ANKS6: variants seen among roughly 807,000 people sequenced by gnomAD.
ANKS6 encodes the protein ankyrin repeat and SAM domain-containing protein 6.
In ANKS6, 47 loss-of-function variants were observed where a neutral mutation model predicts 77.9. The ratio of observed to expected loss-of-function variants is 0.60; its 90% CI spans 0.48 to 0.77. The LOEUF is 0.77. Among genes scored for constraint, ANKS6 ranks in the 30% least tolerant of loss-of-function variants. The probability of loss-of-function intolerance (pLI) is 0.00; values close to 1 mark genes in which losing one functional copy is unlikely to be tolerated. For missense variants in ANKS6, 1,150 were observed against 1,159.1 expected (o/e 0.99, Z 0.11); for synonymous variants, 488 against 501.7 (o/e 0.97, Z 0.37).
At chr9:98,763,132 A>G (rs529619702) in intron 11 of ANKS6, among the ~76,000 whole-genome samples, 2 of 152,226 alleles carry the variant, frequency 1.3e-5, no homozygotes, top group Admixed American at 1.3e-4. Context: ...AACCAACTAG[A>G]CTTAATTATA....
chr9:98,784,942 G>A, intron 2 of ANKS6, 66 bp from the exon 3 acceptor site: 2 of 1,428,322 alleles, frequency 1.4e-6, no homozygotes, highest in Non-Finnish European at 2.0e-6. Context: ...AGTCACAAGG[G>A]TGTAACAACA....
At chr9:98,764,505 G>C (rs1370271326) in intron 11 of ANKS6, among the ~76,000 whole-genome samples, 1 of 152,028 alleles carries the variant, frequency 6.6e-6, no homozygotes, top group Non-Finnish European at 1.5e-5. Flanking sequence ...TTACCTCTAT[G>C]CTGTGGCATT....
At chr9:98,781,547 C>T (rs1161648110) in intron 5 of ANKS6, among the ~76,000 whole-genome samples, 2 of 152,138 alleles carry the variant, frequency 1.3e-5, no homozygotes, top group Non-Finnish European at 2.9e-5. Context: ...CGAGTCTTGG[C>T]GACCTCATCT....
At chr9:98,784,354 AAC>A (rs1306128843) in intron 3 of ANKS6, 197 bp from the exon 4 acceptor site, 32 of 494,496 alleles carry the variant, frequency 6.5e-5, no homozygotes, top group Non-Finnish European at 1.0e-4. Flanking sequence ...GACAGAGACA[AAC>A]ACACGAATGG....
chr9:98,762,312 C>G (rs1833061319), intron 11 of ANKS6, among the ~76,000 whole-genome samples: 1 of 152,194 alleles, frequency 6.6e-6, no homozygotes, highest in Non-Finnish European at 1.5e-5. Flanking sequence ...CTTATTCATC[C>G]TAAGAGCTTT....
In ANKS6 at chr9:98,796,466, G is replaced by A. The variant is rs577977778; in HGVS notation, c.26C>T (p.Ala9Val). The A allele has an allele frequency of 5.0e-6, 5 of 992,476 alleles. No individual in the cohort carries two copies. The African/African-American group carries it at 7.0e-5, about 14-fold the overall frequency. 61.5% of individuals were successfully genotyped at this position (992,476 alleles called of 1,614,324 possible). ...ACACGCGCGCAGCAGCAGCTGGAAG[G>A]CCGGGGGCAGCCCGCCCTCGCCCAT... MGEGGLPP[A>V]FQLLLRACDQ... Residue 9 changes from alanine to valine, a missense_variant, in exon 1 of 15, where the codon GCC (alanine) becomes GTC (valine). By Grantham distance (64) the Ala-to-Val change is moderately conservative. Transcript: ENST00000353234.
In ANKS6 at chr9:98,780,301, A is replaced by G. The variant is rs1196770530; in HGVS notation, c.1256T>C (p.Met419Thr). The part of the protein sequence containing the change: ...ELVRLLASVC[M>T]QVNKDKGRPS... ...CCGGCCTTTGTCTTTATTCACCTGC[A>G]TGCAGACAGATGCCAGCAGTCGAAC... is the stretch of plus-strand genomic sequence containing the variant. Residue 419 changes from methionine to threonine, a missense_variant, in exon 6 of 15, where the codon ATG (methionine) becomes ACG (threonine). Met to Thr is a moderately conservative substitution (Grantham distance 81). Coordinates refer to ENST00000353234, the MANE Select transcript of ANKS6 (RefSeq NM_173551.5). The G allele has an allele frequency of 6.2e-7, 1 of 1,607,354 alleles. No individual in the cohort carries two copies. The highest frequency in any genetic ancestry group is 8.5e-7 in the Non-Finnish European group (1 of 1,176,748).
chr9:98,754,018 G>A (rs568219058), intron 12 of ANKS6, among the ~76,000 whole-genome samples: 1 of 152,272 alleles, frequency 6.6e-6, no homozygotes, highest in Admixed American at 6.5e-5. Context: ...TCCAGCTGGA[G>A]TGCCCGCTCA....
intron 12 of ANKS6, among the ~76,000 whole-genome samples, chr9:98,752,399 T>C (rs1564184863): frequency 6.6e-6 from 1 of 152,056 alleles, no homozygotes; most frequent in Non-Finnish European, 1.5e-5. Flanking sequence ...TTTAACTCAT[T>C]CATTCAACCA....
intron 11 of ANKS6, among the ~76,000 whole-genome samples, chr9:98,758,324 CTTT>C (rs35699060): frequency 3.0e-5 from 4 of 134,860 alleles, no homozygotes; most frequent in Non-Finnish European, 4.7e-5. Flanking sequence ...CGCCATCTTT[CTTT>C]TTTTTTTTTT....
chr9:98,771,470 C>T (rs2118036329), intron 9 of ANKS6, among the ~76,000 whole-genome samples: 1 of 152,278 alleles, frequency 6.6e-6, no homozygotes, highest in South Asian at 2.1e-4. Flanking sequence ...GTTGGTCCCT[C>T]AGCCTGAAAT....
intron 2 of ANKS6, among the ~76,000 whole-genome samples, chr9:98,787,870 G>A (rs576520982): frequency 1.4e-4 from 22 of 152,320 alleles, no homozygotes; most frequent in Admixed American, 5.9e-4. Flanking sequence ...CCCGAGGTTC[G>A]CTCCTGTCAA....
chr9:98,774,019 G>C lies in ANKS6; in HGVS notation c.1679C>G (p.Pro560Arg), dbSNP rs749896122. The C allele has an allele frequency of 6.4e-7, 1 of 1,571,546 alleles. No homozygotes were observed. Among genetic ancestry groups the C allele is most frequent in the Admixed American group, 1.8e-5 (1 of 54,266 alleles). Reference protein sequence around the residue: ...PSDKLKAVIPPFLPPSSFELW... With the variant: ...PSDKLKAVIPRFLPPSSFELW... The stretch of plus-strand genomic sequence containing the variant: ...CTCAAAACTGGAAGGGGGTAGGAAT[G>C]GGGGGATGACTGCTTTCAGCTTGTC... Residue 560 changes from proline (P) to arginine (R), a missense_variant, in exon 9 of 15, where the codon CCA becomes CGA. Pro to Arg is a moderately radical substitution (Grantham distance 103, BLOSUM62 -2). Transcript: ENST00000353234.
At position 98,770,898 on chromosome 9, in the gene ANKS6, G is replaced by T; in HGVS notation, c.1970C>A (p.Ser657Ter). ...SRHGGELLNR[S>*]GGSIDNVLSQ... Reference sequence around the variant, plus strand: ...AGTGGCCCTGCCCAGCTACTCACCTGAGCGGTTAAGCAGCTCCCCACCGTG... The same window carrying T: ...AGTGGCCCTGCCCAGCTACTCACCTTAGCGGTTAAGCAGCTCCCCACCGTG... The change falls in exon 10 of 15, where the codon TCA (serine) becomes TAA (stop). Residue 657 changes from serine (S) to a stop codon, truncating the protein, a stop_gained and splice_region_variant. Coordinates refer to ENST00000353234, the MANE Select transcript of ANKS6 (RefSeq NM_173551.5). LOFTEE classifies it high-confidence loss of function. 1 of 1,499,188 alleles carries T rather than the reference G, an allele frequency of 6.7e-7. No individual in the cohort carries two copies. 92.9% of individuals were successfully genotyped at this position (1,499,188 alleles called of 1,614,324 possible). A position where few individuals can be genotyped will look rare whatever the true frequency, so the allele number is the denominator to read the frequency against.
intron 8 of ANKS6, among the ~76,000 whole-genome samples, chr9:98,774,369 G>A (rs551997472): frequency 6.6e-6 from 1 of 152,184 alleles, no homozygotes. Flanking sequence ...GGTGTGCTGT[G>A]GGGGAGGCAG....
rs529634077 is a variant in ANKS6, at chr9:98,739,891, G to A, written c.2512-3268C>T. On this transcript the variant is annotated intron_variant, in intron 14 of 14. Coordinates refer to ENST00000353234, the MANE Select transcript of ANKS6 (RefSeq NM_173551.5). Reference sequence around the variant, plus strand: ...CTGCCTCAGCCTCCCGAGTAGCTGGGACTACAGGCGCCCGCCACCTCACCC... The same window carrying A: ...CTGCCTCAGCCTCCCGAGTAGCTGGAACTACAGGCGCCCGCCACCTCACCC... Among the ~76,000 whole-genome samples, 116 of 150,288 alleles carry A rather than the reference G, an allele frequency of 7.7e-4. 1 individual carries two copies. The highest frequency in any genetic ancestry group is 2.8e-3 in the African/African-American group (112 of 40,584).
chr9:98,766,763 A>C (rs1433635813), intron 11 of ANKS6, among the ~76,000 whole-genome samples: 1 of 152,212 alleles, frequency 6.6e-6, no homozygotes, highest in Non-Finnish European at 1.5e-5. Context: ...CTGGGCAGAA[A>C]ATGACTATTT....
At chr9:98,776,681 A>G (rs931472179) in intron 8 of ANKS6, among the ~76,000 whole-genome samples, 10 of 152,184 alleles carry the variant, frequency 6.6e-5, no homozygotes, top group African/African-American at 2.4e-4. Context: ...GATTACAGGC[A>G]TGAGCTACTG....
intron 4 of ANKS6, among the ~76,000 whole-genome samples, chr9:98,783,172 G>C (rs796673590): frequency 6.6e-6 from 1 of 152,034 alleles, no homozygotes; most frequent in African/African-American, 2.4e-5. Flanking sequence ...CAACAGCTCT[G>C]CCCAAAAATC....
Sources: allele counts gnomAD v4.1 joint callset (sites outside exome capture counted in the v4.1 genomes callset), GRCh38; gene constraint gnomAD v4.1.1; transcripts MANE v1.5; gene names NCBI Gene and HGNC (gene_info 2026-07-23, HGNC 2026-07-21).